CNTN5: variants seen among roughly 807,000 people sequenced by gnomAD.
CNTN5 encodes contactin 5, also known as contactin-5.
Under a neutral mutation model 129.1 loss-of-function variants are expected in CNTN5, and 77 were observed. The ratio of observed to expected loss-of-function variants is 0.60; its 90% CI spans 0.50 to 0.72. The LOEUF (loss-of-function observed/expected upper bound fraction) is 0.72. Ranked by LOEUF, CNTN5 falls within the 30% of genes least tolerant of loss-of-function variation. The pLI is 0.00. For synonymous variants in CNTN5, 509 were observed against 465.6 expected (o/e 1.09, Z -1.20); for missense variants, 1,478 against 1,328.8 (o/e 1.11, Z -1.75).
intron 1 of CNTN5, among the ~76,000 whole-genome samples, chr11:99,024,412 G>A (rs1863018872): frequency 6.6e-6 from 1 of 151,998 alleles, no homozygotes; most frequent in Non-Finnish European, 1.5e-5. Flanking sequence ...ACATGAATTT[G>A]CTTTTTAAGA....
At chr11:99,517,738 C>G (rs1225391073) in intron 2 of CNTN5, among the ~76,000 whole-genome samples, 2 of 152,118 alleles carry the variant, frequency 1.3e-5, no homozygotes, top group African/African-American at 4.8e-5. Context: ...CCCTTGTTCT[C>G]TGTCCCCTCT....
chr11:100,261,006 G>C (rs1197752657), intron 17 of CNTN5, among the ~76,000 whole-genome samples: 1 of 152,114 alleles, frequency 6.6e-6, no homozygotes, highest in African/African-American at 2.4e-5. Flanking sequence ...AAGTAAAATT[G>C]TCTCTGTTTG....
intron 6 of CNTN5, among the ~76,000 whole-genome samples, chr11:99,906,932 C>T (rs1000198325): frequency 3.3e-5 from 5 of 152,074 alleles, no homozygotes; most frequent in African/African-American, 1.2e-4. Context: ...ATAGTATTCT[C>T]TGATGGTAGT....
At chr11:100,041,345 A>C (rs368203588) in intron 9 of CNTN5, among the ~76,000 whole-genome samples, 41 of 152,294 alleles carry the variant, frequency 2.7e-4, no homozygotes, top group African/African-American at 9.1e-4. Context: ...TTAAGTCATT[A>C]CTTAAGTCAT....
intron 1 of CNTN5, among the ~76,000 whole-genome samples, chr11:99,321,657 C>A (rs930817469): frequency 5.3e-5 from 8 of 152,098 alleles, no homozygotes; most frequent in Non-Finnish European, 7.4e-5. Flanking sequence ...GGGAAACCCA[C>A]ACCTAAGATA....
At chr11:100,288,903 A>C (rs1190094769) in intron 18 of CNTN5, among the ~76,000 whole-genome samples, 2 of 151,914 alleles carry the variant, frequency 1.3e-5, no homozygotes, top group South Asian at 2.1e-4. Context: ...TCAAATAGAC[A>C]CAATAAAAAA....
At chr11:99,122,241 T>A (rs1000632423) in intron 1 of CNTN5, among the ~76,000 whole-genome samples, 8 of 152,140 alleles carry the variant, frequency 5.3e-5, no homozygotes, top group African/African-American at 1.9e-4. Context: ...TAGGAACAGT[T>A]GTCATAGTTT....
intron 6 of CNTN5, among the ~76,000 whole-genome samples, chr11:99,910,007 G>C (rs1344779523): frequency 6.6e-6 from 1 of 152,114 alleles, no homozygotes; most frequent in East Asian, 1.9e-4. Flanking sequence ...GGTGTAATAG[G>C]AAAGTATTTA....
At chr11:99,132,526 T>A (rs1389763561) in intron 1 of CNTN5, among the ~76,000 whole-genome samples, 1 of 152,166 alleles carries the variant, frequency 6.6e-6, no homozygotes, top group Non-Finnish European at 1.5e-5. Flanking sequence ...GCCCAAAAGC[T>A]TCTTTAGCTG....
At chr11:99,172,057 A>T (rs1282979467) in intron 1 of CNTN5, among the ~76,000 whole-genome samples, 1 of 152,202 alleles carries the variant, frequency 6.6e-6, no homozygotes, top group Non-Finnish European at 1.5e-5. Context: ...ATACAAAAGG[A>T]CATTTAGAAA....
At chr11:99,763,881 G>C (rs1944666853) in intron 3 of CNTN5, among the ~76,000 whole-genome samples, 1 of 151,938 alleles carries the variant, frequency 6.6e-6, no homozygotes, top group African/African-American at 2.4e-5. Flanking sequence ...GGGCAAAATA[G>C]AATGAGAATG....
chr11:99,521,786 G>T (rs182064261), intron 2 of CNTN5, among the ~76,000 whole-genome samples: 29 of 152,168 alleles, frequency 1.9e-4, no homozygotes, highest in Admixed American at 6.5e-4. Context: ...TCTTTTCCTC[G>T]CATTTTGCTT....
intron 15 of CNTN5, among the ~76,000 whole-genome samples, chr11:100,212,443 C>T (rs568476446): frequency 1.3e-5 from 2 of 152,088 alleles, no homozygotes; most frequent in African/African-American, 2.4e-5. Flanking sequence ...CAGGAATAGA[C>T]GACAGGGTCA....
rs916758880 is a variant in CNTN5 at position 99,924,396 on chromosome 11, A to G, written c.673+8247A>G. On this transcript the variant is annotated intron_variant, in intron 7 of 24. Coordinates refer to ENST00000524871, the MANE Select transcript of CNTN5 (RefSeq NM_014361.4). Reference sequence around the variant, plus strand: ...TTGAGGTCTTATATTTAAGTATGTAATCCATCTTGAGTTAATTTTTGTGTA... The same window carrying G: ...TTGAGGTCTTATATTTAAGTATGTAGTCCATCTTGAGTTAATTTTTGTGTA... Among the ~76,000 whole-genome samples the G allele has an allele frequency of 2.6e-5, 4 of 152,080 alleles. No individual in the cohort carries two copies. The South Asian group carries it at 8.3e-4, about 32-fold the overall frequency.
At chr11:99,820,462 A>G (rs1415103133) in intron 4 of CNTN5, among the ~76,000 whole-genome samples, 13 of 152,308 alleles carry the variant, frequency 8.5e-5, no homozygotes, top group African/African-American at 2.9e-4. Flanking sequence ...ACACTAAGAT[A>G]TCAGTTAAAT....
At chr11:100,020,129 T>C (rs1306228003) in intron 9 of CNTN5, among the ~76,000 whole-genome samples, 1 of 152,094 alleles carries the variant, frequency 6.6e-6, no homozygotes, top group Admixed American at 6.6e-5. Flanking sequence ...AGGCAGAAGC[T>C]TTTTGGTTTG....
intron 3 of CNTN5, among the ~76,000 whole-genome samples, chr11:99,744,593 G>A (rs990985726): frequency 7.1e-6 from 1 of 139,928 alleles, no homozygotes; most frequent in African/African-American, 2.7e-5. Context: ...AGTGGTAGCT[G>A]CCTGCAGTTC....
chr11:99,213,689 A>T (rs560933108), intron 1 of CNTN5, among the ~76,000 whole-genome samples: 2 of 152,184 alleles, frequency 1.3e-5, no homozygotes, highest in East Asian at 3.9e-4. Context: ...AGAATGTCTC[A>T]GGTGACTTCC....
chr11:100,317,196 T>A (rs1463394839), intron 21 of CNTN5, among the ~76,000 whole-genome samples: 1 of 152,212 alleles, frequency 6.6e-6, no homozygotes, highest in Non-Finnish European at 1.5e-5. Context: ...GATCTGACTC[T>A]AATCATTAGA....
Sources: gnomAD v4.1 joint callset for allele counts (sites outside exome capture counted in the v4.1 genomes callset) on GRCh38, gnomAD v4.1.1 for gene constraint, MANE v1.5 for transcripts, NCBI Gene and HGNC (gene_info 2026-07-23, HGNC 2026-07-21) for gene names.